The following LEMD3 variants were observed in gnomAD, a reference collection of about 807,000 sequenced individuals.
The protein encoded by LEMD3 is inner nuclear membrane protein Man1.
Under a neutral mutation model 95.2 loss-of-function variants are expected in LEMD3, and 33 were observed. The observed-to-expected ratio is 0.35, with a 90% confidence interval of 0.26 to 0.46. The LOEUF (loss-of-function observed/expected upper bound fraction) is 0.46. Among genes scored for constraint, LEMD3 ranks in the 20% least tolerant of loss-of-function variants. The pLI is 1.00. For missense variants in LEMD3, 1,210 were observed against 1,192.8 expected, an observed-to-expected ratio of 1.01 and a Z score of -0.21; for synonymous variants, 525 against 474.6, an observed-to-expected ratio of 1.11 and a Z score of -1.38.
chr12:65,246,161 G>T lies in LEMD3; in HGVS notation c.2573-1G>T. The T allele has an allele frequency of 6.2e-7, 1 of 1,604,294 alleles. No individual in the cohort carries two copies. On this transcript the variant is annotated splice_acceptor_variant, in intron 12 of 12. Transcript: ENST00000308330. LOFTEE classifies it high-confidence loss of function. Reference sequence around the variant, plus strand: ...AAAATATTATTTTTATCTTACAACAGGGAAATTGGTTACAGTAAAATATTT... The same window carrying T: ...AAAATATTATTTTTATCTTACAACATGGAAATTGGTTACAGTAAAATATTT...
chr12:65,179,603 C>T (rs1038484438), intron 1 of LEMD3, among the ~76,000 whole-genome samples: 1 of 151,966 alleles, frequency 6.6e-6, no homozygotes, highest in African/African-American at 2.4e-5. Context: ...AATCTAAATT[C>T]GAATGAAGAT....
chr12:65,223,893 T>A (rs1870370822), intron 4 of LEMD3, among the ~76,000 whole-genome samples: 1 of 151,678 alleles, frequency 6.6e-6, no homozygotes, highest in Non-Finnish European at 1.5e-5. Context: ...TTACGTGTGT[T>A]TTTTAGGCAT....
In LEMD3 at chr12:65,170,306, C is replaced by T; in HGVS notation, c.710C>T (p.Pro237Leu). The T allele has an allele frequency of 1.9e-6, 3 of 1,587,414 alleles. No homozygotes were observed. The highest frequency in any genetic ancestry group is 2.6e-6 in the Non-Finnish European group (3 of 1,166,954). ...GEERDPETEE[P>L]LWASRTVNGS... The stretch of plus-strand genomic sequence containing the variant: ...GAGAGGGACCCGGAGACCGAGGAGC[C>T]GCTCTGGGCGAGCCGGACCGTGAAT... Residue 237 changes from proline (P) to leucine (L), a missense_variant, in exon 1 of 13, where the codon CCG becomes CTG. By Grantham distance (98) the Pro-to-Leu change is moderately conservative. This residue lies in a region of LEMD3 where 749 missense variants were observed against 622.9 expected (regional missense o/e 1.20). Coordinates refer to ENST00000308330, the MANE Select transcript of LEMD3 (RefSeq NM_014319.5).
intron 1 of LEMD3, among the ~76,000 whole-genome samples, chr12:65,206,482 A>C (rs1425292922): frequency 1.3e-5 from 2 of 152,162 alleles, no homozygotes; most frequent in East Asian, 3.8e-4. Flanking sequence ...ACAAGTAGGC[A>C]CTTTATATGT....
At chr12:65,183,543 T>C (rs1023380425) in intron 1 of LEMD3, among the ~76,000 whole-genome samples, 7 of 152,130 alleles carry the variant, frequency 4.6e-5, no homozygotes, top group African/African-American at 1.7e-4. Context: ...ATGATGTCAG[T>C]TTTGTTATCA....
In LEMD3 at chr12:65,246,717, A is replaced by G. The variant is rs908221230; in HGVS notation, c.*392A>G. ...GAACTAATGTTGTGAATTTTTGTAT[A>G]CAGTCACCTGCATAGTTCCTACAGG... On this transcript the variant is annotated 3_prime_UTR_variant, in exon 13 of 13. Coordinates refer to ENST00000308330, the MANE Select transcript of LEMD3 (RefSeq NM_014319.5). The G allele has an allele frequency of 4.4e-5, 10 of 229,478 alleles. No homozygotes were observed. Among genetic ancestry groups the G allele is most frequent in the African/African-American group, 2.3e-4 (10 of 43,022 alleles). The allele number at this position is 229,478 out of a possible 1,614,324, so 14.2% of individuals were successfully genotyped here.
chr12:65,237,079 T>G (rs1194168557), intron 4 of LEMD3, among the ~76,000 whole-genome samples: 1 of 152,104 alleles, frequency 6.6e-6, no homozygotes, highest in African/African-American at 2.4e-5. Flanking sequence ...ATGGTAAATA[T>G]GTATTACAAA....
At chr12:65,176,737 A>C (rs978996003) in intron 1 of LEMD3, among the ~76,000 whole-genome samples, 5 of 152,214 alleles carry the variant, frequency 3.3e-5, no homozygotes, top group Admixed American at 2.0e-4. Context: ...TGATAATACT[A>C]TCTGAGGATG....
chr12:65,206,160 A>G (rs543068526), intron 1 of LEMD3, among the ~76,000 whole-genome samples: 1 of 152,276 alleles, frequency 6.6e-6, no homozygotes, highest in South Asian at 2.1e-4. Flanking sequence ...TGCTTTCTTC[A>G]CATAAAATTA....
rs770601096 is a variant in LEMD3 at position 65,170,655 on chromosome 12, C to G, written c.1059C>G (p.Pro353=). Reference sequence around the variant, plus strand: ...GGTGTGATCAAGTGGACTCCAGCCCCGTTCCTAGATACCGTGTTAACGCTA... The same window carrying G: ...GGTGTGATCAAGTGGACTCCAGCCCGGTTCCTAGATACCGTGTTAACGCTA... ...GGGCDQVDSS[P]VPRYRVNAKK... is the part of the protein sequence containing the mutation. Residue 353 remains proline (P), a synonymous_variant, in exon 1 of 13, where the codon CCC becomes CCG. Coordinates refer to ENST00000308330, the MANE Select transcript of LEMD3 (RefSeq NM_014319.5). 49 of 1,614,192 alleles carry G rather than the reference C, an allele frequency of 3.0e-5. No individual in the cohort carries two copies. The South Asian group carries it at 3.8e-4, about 13-fold the overall frequency.
chr12:65,240,822 A>G, intron 8 of LEMD3, 87 bp from the exon 9 acceptor site: 1 of 1,147,070 alleles, frequency 8.7e-7, no homozygotes, highest in Non-Finnish European at 1.3e-6. Context: ...AAGAACAGCT[A>G]GAGTTAACTA....
At chr12:65,178,888 T>C (rs1340562981) in intron 1 of LEMD3, among the ~76,000 whole-genome samples, 1 of 152,184 alleles carries the variant, frequency 6.6e-6, no homozygotes, top group Admixed American at 6.5e-5. Context: ...GTGACAAGTA[T>C]AGATTCATAA....
chr12:65,233,578 T>C (rs1870691456), intron 4 of LEMD3, among the ~76,000 whole-genome samples: 1 of 152,312 alleles, frequency 6.6e-6, no homozygotes, highest in Admixed American at 6.5e-5. Flanking sequence ...AGGTGCCATC[T>C]GATGCATAGT....
intron 1 of LEMD3, among the ~76,000 whole-genome samples, chr12:65,190,784 C>A (rs1158437684): frequency 1.3e-5 from 2 of 152,156 alleles, no homozygotes; most frequent in African/African-American, 4.8e-5. Flanking sequence ...GTCTCAGTTA[C>A]TTTTTGGTCT....
At chr12:65,171,345 A>G in intron 1 of LEMD3, 1 of 617,088 alleles carries the variant, frequency 1.6e-6, no homozygotes, top group Non-Finnish European at 2.7e-6. Flanking sequence ...TGAAATTCAA[A>G]ACAATTTTTA....
intron 1 of LEMD3, among the ~76,000 whole-genome samples, chr12:65,209,003 T>TC (rs1437373298): frequency 1.3e-5 from 2 of 152,096 alleles, no homozygotes; most frequent in East Asian, 3.9e-4. Flanking sequence ...GAACATACCC[T>TC]CCTCCAGCAT....
chr12:65,170,306 C>G lies in LEMD3; in HGVS notation c.710C>G (p.Pro237Arg). 6.3e-7 allele frequency: 1 copy of G among 1,587,414 alleles called. No individual in the cohort carries two copies. The highest frequency in any genetic ancestry group is 8.6e-7 in the Non-Finnish European group (1 of 1,166,954). Residue 237 changes from proline (P) to arginine (R), a missense_variant, in exon 1 of 13, where the codon CCG becomes CGG. Transcript: ENST00000308330. Reference protein sequence around the residue: ...GEERDPETEEPLWASRTVNGS... With the variant: ...GEERDPETEERLWASRTVNGS... The stretch of plus-strand genomic sequence containing the variant: ...GAGAGGGACCCGGAGACCGAGGAGC[C>G]GCTCTGGGCGAGCCGGACCGTGAAT...
At chr12:65,215,935 T>TTTTTTTAATTGGGTA in intron 2 of LEMD3, 42 bp from the exon 3 acceptor site, 1 of 872,296 alleles carries the variant, frequency 1.1e-6, no homozygotes, top group East Asian at 2.5e-5. Flanking sequence ...GTGTTTTTTT[T>TTTTTTTAATTGGGTA]CTTGTAATTG....
At chr12:65,227,970 A>G (rs1870506648) in intron 4 of LEMD3, among the ~76,000 whole-genome samples, 1 of 152,126 alleles carries the variant, frequency 6.6e-6, no homozygotes, top group Non-Finnish European at 1.5e-5. Context: ...ATTTCAGTCC[A>G]TGGAGGTGGA....
Sources: allele counts gnomAD v4.1 joint callset (sites outside exome capture counted in the v4.1 genomes callset), GRCh38; gene constraint gnomAD v4.1.1; regional missense constraint gnomAD v4.1.1; transcripts MANE v1.5; gene names NCBI Gene and HGNC (gene_info 2026-07-23, HGNC 2026-07-21).